The following CA14 variants were observed in gnomAD, a reference collection of about 807,000 sequenced individuals.
CA14 encodes carbonic anhydrase 14, also known as CA-XIV.
A neutral mutation model predicts 48.8 loss-of-function variants in CA14; 44 were observed. The ratio of observed to expected loss-of-function variants is 0.90; its 90% CI spans 0.71 to 1.16. The LOEUF is 1.16. CA14 is among the 50% of genes most tolerant of loss of function. The pLI is 0.00. For synonymous variants in CA14, 154 were observed against 155.0 expected (o/e 0.99, Z 0.05); for missense variants, 386 against 401.0 (o/e 0.96, Z 0.32).
Position 150,258,179 on chromosome 1 carries a change from TG to T in CA14, c.55+1del, listed in dbSNP as rs1410497266. The T allele has an allele frequency of 6.2e-7, 1 of 1,610,710 alleles. No homozygotes were observed. Among genetic ancestry groups the T allele is most frequent in the Non-Finnish European group, 8.5e-7 (1 of 1,177,828 alleles). On this transcript the variant is annotated frameshift_variant, in exon 1 of 11. Transcript: ENST00000369111. LOFTEE classifies it high-confidence loss of function. The part of the protein sequence containing the change: ...LEVIWILAAD[G>X]GQHWTYEGPH... ...AGGTGATTTGGATCCTGGCTGCAGATGGGGGTAGGTACAACTAAATGTCTGT... is the reference window on the plus strand; with the variant it reads ...AGGTGATTTGGATCCTGGCTGCAGATGGGGTAGGTACAACTAAATGTCTGT...
chr1:150,263,666 C>T lies in CA14; in HGVS notation c.849C>T (p.Ser283=). 1 of 1,614,014 alleles carries T rather than the reference C, an allele frequency of 6.2e-7. No individual in the cohort carries two copies. Among genetic ancestry groups the T allele is most frequent in the Non-Finnish European group, 8.5e-7 (1 of 1,179,934 alleles). ...MVFASFIQAG[S]SYTTGEMLSL... The stretch of plus-strand genomic sequence containing the variant: ...CATTTTCTTCTCTTACAGCAGGATC[C>T]TCGTATACCACAGGTAAGCCAGCCT... The change falls in exon 9 of 11, where the codon TCC becomes TCT. Residue 283 remains serine, a synonymous_variant. Transcript: ENST00000369111.
At chr1:150,261,687 G>T (rs1213329699) in intron 3 of CA14, 49 bp downstream of exon 3, 1 of 1,553,048 alleles carries the variant, frequency 6.4e-7, no homozygotes, top group Admixed American at 1.8e-5. Flanking sequence ...CAGATCTTAG[G>T]AGTCAGATCC....
At chr1:150,261,735 A>G in intron 3 of CA14, 97 bp downstream of exon 3, 1 of 1,120,250 alleles carries the variant, frequency 8.9e-7, no homozygotes, top group South Asian at 1.5e-5. Flanking sequence ...GGTGTTCCTG[A>G]GCATGCGTAA....
At chr1:150,258,610 T>C (rs1572059014) in intron 1 of CA14, among the ~76,000 whole-genome samples, 1 of 152,186 alleles carries the variant, frequency 6.6e-6, no homozygotes, top group Admixed American at 6.5e-5. Flanking sequence ...CCTGCCCAAC[T>C]CAGACCCTGA....
At chr1:150,262,468 A>G in intron 4 of CA14, 57 bp from the exon 5 acceptor site, 3 of 1,509,134 alleles carry the variant, frequency 2.0e-6, no homozygotes, top group South Asian at 2.3e-5. Flanking sequence ...AGCTAGGATC[A>G]AGGCCTTGAA....
At position 150,263,125 on chromosome 1, in the gene CA14, C is replaced by A. The variant is rs782320990; in HGVS notation, c.646C>A (p.Leu216Ile). 2.5e-6 allele frequency: 4 copies of A among 1,614,012 alleles called. No individual in the cohort carries two copies. Among genetic ancestry groups the A allele is most frequent in the Non-Finnish European group, 3.4e-6 (4 of 1,180,018 alleles). ...GCAGTACTTCCGCTACAATGGCTCG[C>A]TCACAACTCCCCCTTGCTACCAGAG... The part of the protein sequence containing the change: ...LGQYFRYNGS[L>I]TTPPCYQSVL... Residue 216 changes from leucine to isoleucine, a missense_variant, in exon 7 of 11, where the codon CTC becomes ATC. By Grantham distance (5) the Leu-to-Ile change is conservative. Coordinates refer to ENST00000369111, the MANE Select transcript of CA14 (RefSeq NM_012113.3).
In CA14 at chr1:150,263,141, G is replaced by T; in HGVS notation, c.662G>T (p.Cys221Phe). 1 of 1,614,112 alleles carries T rather than the reference G, an allele frequency of 6.2e-7. No individual in the cohort carries two copies. The highest frequency in any genetic ancestry group is 1.6e-4 in the Middle Eastern group (1 of 6,062). ...AATGGCTCGCTCACAACTCCCCCTT[G>T]CTACCAGAGTGTGCTCTGGACAGTT... ...RYNGSLTTPP[C>F]YQSVLWTVFY... is the part of the protein sequence containing the mutation. Residue 221 changes from cysteine (C) to phenylalanine (F), a missense_variant, in exon 7 of 11, where the codon TGC becomes TTC. Transcript: ENST00000369111.
intron 4 of CA14, 110 bp from the exon 5 acceptor site, chr1:150,262,415 G>T: frequency 6.7e-7 from 1 of 1,496,884 alleles, no homozygotes; most frequent in South Asian, 1.2e-5. Flanking sequence ...AATCTCTGAG[G>T]GACAGACTTA....
Position 150,263,170 on chromosome 1 carries a change from T to C in CA14, c.691T>C (p.Tyr231His). ...CYQSVLWTVF[Y>H]RRSQISMEQL... is the part of the protein sequence containing the mutation. Reference sequence around the variant, plus strand: ...CCAGAGTGTGCTCTGGACAGTTTTTTATAGAAGGTCCCAGATTTCAATGGA... The same window carrying C: ...CCAGAGTGTGCTCTGGACAGTTTTTCATAGAAGGTCCCAGATTTCAATGGA... Residue 231 changes from tyrosine to histidine, a missense_variant, in exon 7 of 11, where the codon TAT (tyrosine) becomes CAT (histidine). By Grantham distance (83) the Tyr-to-His change is moderately conservative (BLOSUM62 2). Transcript: ENST00000369111. The C allele has an allele frequency of 6.2e-7, 1 of 1,614,120 alleles. No individual in the cohort carries two copies. The highest frequency in any genetic ancestry group is 8.5e-7 in the Non-Finnish European group (1 of 1,180,016).
intron 4 of CA14, 85 bp from the exon 5 acceptor site, chr1:150,262,440 C>A: frequency 2.0e-6 from 3 of 1,473,788 alleles, no homozygotes; most frequent in Non-Finnish European, 2.8e-6. Flanking sequence ...CTGCCGGGGA[C>A]AGCGGGGGGA....
intron 3 of CA14, 33 bp downstream of exon 3, chr1:150,261,671 C>T: frequency 6.3e-7 from 1 of 1,597,698 alleles, no homozygotes; most frequent in Non-Finnish European, 8.6e-7. Context: ...GTTGTAGGCT[C>T]CAGCTCAGAT....
intron 3 of CA14, among the ~76,000 whole-genome samples, 197 bp from the exon 4 acceptor site, chr1:150,261,961 A>C (rs782267411): frequency 2.0e-5 from 3 of 152,324 alleles, no homozygotes; most frequent in Middle Eastern, 3.4e-3. Flanking sequence ...CTCAGTAGGT[A>C]GGTATCATTG....
chr1:150,260,130 C>T (rs782337249), intron 1 of CA14, 21 bp from the exon 2 acceptor site: 4 of 1,612,936 alleles, frequency 2.5e-6, no homozygotes, highest in Middle Eastern at 1.9e-4. Context: ...TGGCTGTAAC[C>T]CAAACTATTC....
chr1:150,262,540 T>G lies in CA14; in HGVS notation c.415T>G (p.Tyr139Asp). Residue 139 changes from tyrosine (Y) to aspartate (D), a missense_variant, in exon 5 of 11, where the codon TAT becomes GAT. Tyr to Asp is a radical substitution (Grantham distance 160, BLOSUM62 -3). Transcript: ENST00000369111. ...CTTCCTTTAGCTCCACATTGTACATTATGACTCTGATTCCTATGACAGCTT... is the reference window on the plus strand; with the variant it reads ...CTTCCTTTAGCTCCACATTGTACATGATGACTCTGATTCCTATGACAGCTT... The part of the protein sequence containing the change: ...ATFAELHIVH[Y>D]DSDSYDSLSE... 1 of 1,613,644 alleles carries G rather than the reference T, an allele frequency of 6.2e-7. No homozygotes were observed. The highest frequency in any genetic ancestry group is 8.5e-7 in the Non-Finnish European group (1 of 1,179,566).
intron 10 of CA14, 144 bp downstream of exon 10, chr1:150,264,022 T>C: frequency 1.5e-6 from 1 of 656,442 alleles, no homozygotes; most frequent in Non-Finnish European, 2.6e-6. Context: ...GCCTTCTGGG[T>C]TCAAGCAATT....
chr1:150,261,471 A>C lies in CA14; in HGVS notation c.89A>C (p.Gln30Pro), dbSNP rs1651023027. The stretch of plus-strand genomic sequence containing the variant: ...TAACCCCCACCAGGCCCACATGGTC[A>C]GGACCATTGGCCAGCCTCTTACCCT... ...QHWTYEGPHG[Q>P]DHWPASYPEC... The change falls in exon 3 of 11, where the codon CAG becomes CCG. Residue 30 changes from glutamine (Q) to proline (P), a missense_variant. Physicochemically the swap from Gln to Pro is moderately conservative, Grantham distance 76 (BLOSUM62 -1). Coordinates refer to ENST00000369111, the MANE Select transcript of CA14 (RefSeq NM_012113.3). 5.0e-6 allele frequency: 8 copies of C among 1,614,032 alleles called. No homozygotes were observed. The East Asian group carries it at 1.8e-4, about 36-fold the overall frequency.
At chr1:150,264,308 T>A (rs1651448467) in intron 10 of CA14, among the ~76,000 whole-genome samples, 1 of 152,124 alleles carries the variant, frequency 6.6e-6, no homozygotes, top group Non-Finnish European at 1.5e-5. Context: ...GCTCAAGTGG[T>A]CCTCCCACCT....
chr1:150,259,063 A>T (rs1553847281), intron 1 of CA14, among the ~76,000 whole-genome samples: 1 of 152,210 alleles, frequency 6.6e-6, no homozygotes, highest in Non-Finnish European at 1.5e-5. Context: ...GGCTCTGACC[A>T]GAGTGGACAG....
intron 8 of CA14, 72 bp downstream of exon 8, chr1:150,263,491 G>A: frequency 1.2e-6 from 2 of 1,606,974 alleles, no homozygotes; most frequent in East Asian, 2.2e-5. Context: ...GAGCCAATGG[G>A]AAGAAAAGGC....
Sources: gnomAD v4.1 joint callset for allele counts (sites outside exome capture counted in the v4.1 genomes callset) on GRCh38, gnomAD v4.1.1 for gene constraint, MANE v1.5 for transcripts, NCBI Gene and HGNC (gene_info 2026-07-23, HGNC 2026-07-21) for gene names.